PCGF3: variants seen among roughly 807,000 people sequenced by gnomAD.
PCGF3 encodes polycomb group RING finger protein 3.
In PCGF3, 7 loss-of-function variants were observed where a neutral mutation model predicts 33.1. That is an observed-to-expected ratio of 0.21 (90% CI 0.12 to 0.40). The LOEUF (loss-of-function observed/expected upper bound fraction) is 0.40. Among genes scored for constraint, PCGF3 ranks in the 10% least tolerant of loss-of-function variants. The probability of loss-of-function intolerance (pLI) is 1.00; values close to 1 mark genes in which losing one functional copy is unlikely to be tolerated. For missense variants in PCGF3, 211 were observed against 313.3 expected, an observed-to-expected ratio of 0.67 and a Z score of 2.46; for synonymous variants, 153 against 121.3, an observed-to-expected ratio of 1.26 and a Z score of -1.72.
At chr4:768,901 T>TCCAATATGCATTTATTAGA (rs1188745987) in exon 11 of PCGF3, 1 of 152,710 alleles carries the variant, frequency 6.5e-6, no homozygotes, top group African/African-American at 2.4e-5. Flanking sequence ...TGCAATAGGT[T>TCCAATATGCATTTATTAGA]CCAATATGCA....
At chr4:709,629 G>A (rs1742480231) in intron 1 of PCGF3, among the ~76,000 whole-genome samples, 1 of 152,288 alleles carries the variant, frequency 6.6e-6, no homozygotes, top group African/African-American at 2.4e-5. Context: ...AGGCGTGCGG[G>A]CTTGCCTGGA....
At chr4:753,139 G>C (rs1241752725) in intron 8 of PCGF3, among the ~76,000 whole-genome samples, 2 of 152,230 alleles carry the variant, frequency 1.3e-5, no homozygotes, top group African/African-American at 4.8e-5. Flanking sequence ...TCCCAGAGCT[G>C]ACAAGCCCCG....
chr4:737,890 G>A (rs1453106178), intron 6 of PCGF3, among the ~76,000 whole-genome samples: 1 of 152,200 alleles, frequency 6.6e-6, no homozygotes, highest in East Asian at 1.9e-4. Flanking sequence ...CCACAACAGA[G>A]GAGCAGCACG....
chr4:741,577 T>G (rs1296694407), intron 6 of PCGF3, among the ~76,000 whole-genome samples: 1 of 152,068 alleles, frequency 6.6e-6, no homozygotes, highest in Admixed American at 6.5e-5. Context: ...TGGCTAATTT[T>G]TTGTATTTTT....
intron 1 of PCGF3, among the ~76,000 whole-genome samples, chr4:727,037 T>C (rs1021755421): frequency 1.3e-5 from 2 of 152,152 alleles, no homozygotes; most frequent in African/African-American, 2.4e-5. Context: ...CCCTCTCCCC[T>C]GTGGGATCGT....
At chr4:731,481 GGCTATCTCTCCCCTCCCGGGT>G in intron 3 of PCGF3, 1 of 285,492 alleles carries the variant, frequency 3.5e-6, no homozygotes, top group Admixed American at 5.3e-5. Flanking sequence ...CGCAGGGCAG[GGCTATCTCTCCCCTCCCGGGT>G]GCTCTGTCCC....
intron 8 of PCGF3, among the ~76,000 whole-genome samples, chr4:745,070 G>T (rs368325005): frequency 5.1e-4 from 6 of 11,688 alleles, no homozygotes; most frequent in Non-Finnish European, 6.3e-4. Context: ...GTTAGTGCTC[G>T]CCGTGGAGGC....
chr4:747,928 G>A (rs923390749), intron 8 of PCGF3, among the ~76,000 whole-genome samples: 10 of 152,112 alleles, frequency 6.6e-5, no homozygotes, highest in Non-Finnish European at 1.3e-4. Flanking sequence ...GGTAAAGCAT[G>A]GCAGATATAA....
chr4:756,281 C>G (rs1018951602), intron 8 of PCGF3, among the ~76,000 whole-genome samples: 3 of 150,448 alleles, frequency 2.0e-5, no homozygotes, highest in Non-Finnish European at 4.4e-5. Flanking sequence ...GGTGCAATCT[C>G]GGCTCACTGC....
intron 1 of PCGF3, among the ~76,000 whole-genome samples, chr4:728,306 T>A (rs1328942301): frequency 6.6e-6 from 1 of 151,940 alleles, no homozygotes; most frequent in African/African-American, 2.4e-5. Context: ...ATTGACATAG[T>A]GTTTACAGCA....
intron 8 of PCGF3, among the ~76,000 whole-genome samples, chr4:751,732 GC>G (rs1744523083): frequency 6.6e-6 from 1 of 152,152 alleles, no homozygotes; most frequent in Admixed American, 6.5e-5. Flanking sequence ...TGGATGCTGT[GC>G]CTGTGCCTGG....
chr4:768,615 T>TG (rs1418832411), exon 11 of PCGF3: 6 of 152,312 alleles, frequency 3.9e-5, no homozygotes, highest in African/African-American at 1.4e-4. Context: ...GTCTCACCGA[T>TG]GCAGTTTTCA....
intron 1 of PCGF3, among the ~76,000 whole-genome samples, chr4:722,119 G>T (rs1001654685): frequency 2.6e-5 from 4 of 152,172 alleles, no homozygotes; most frequent in Admixed American, 6.5e-5. Context: ...TGTGTATGCA[G>T]TGTTATCTAA....
rs199958345 is a variant in PCGF3, at chr4:747,659, GC to G, written c.462+2975del. Reference sequence around the variant, plus strand: ...GTGGAGGCGTGAGCAGGTGGGCGGGGCCCCGGGGTCGCTGCAGTGTTAGTGC... The same window carrying G: ...GTGGAGGCGTGAGCAGGTGGGCGGGGCCCGGGGTCGCTGCAGTGTTAGTGC... On this transcript the variant is annotated intron_variant, in intron 8 of 10. Transcript: ENST00000362003. Among the ~76,000 whole-genome samples, 108 of 76,016 alleles carry G rather than the reference GC, an allele frequency of 1.4e-3. 5 individuals carry two copies. The highest frequency in any genetic ancestry group is 2.0e-3 in the Non-Finnish European group (72 of 35,616). 49.9% of individuals were successfully genotyped at this position (76,016 alleles called of 152,430 possible). A position where few individuals can be genotyped will look rare whatever the true frequency, so the allele number is the denominator to read the frequency against.
intron 6 of PCGF3, among the ~76,000 whole-genome samples, chr4:741,517 C>T (rs1719477527): frequency 6.6e-6 from 1 of 152,326 alleles, no homozygotes; most frequent in East Asian, 1.9e-4. Context: ...CACAGTTGTC[C>T]TGTCTCAGCC....
chr4:753,862 G>A (rs757071389), intron 8 of PCGF3, among the ~76,000 whole-genome samples: 8 of 152,114 alleles, frequency 5.3e-5, no homozygotes, highest in Non-Finnish European at 1.2e-4. Context: ...CATGAGAATC[G>A]CTTGAACTTG....
In PCGF3 at chr4:708,605, G is replaced by C. The variant is rs561870137; in HGVS notation, c.-190+2635G>C. Among the ~76,000 whole-genome samples the C allele has an allele frequency of 2.6e-5, 4 of 152,324 alleles. No homozygotes were observed. The South Asian group carries it at 6.2e-4, about 24-fold the overall frequency. On this transcript the variant is annotated intron_variant, in intron 1 of 10. Coordinates refer to ENST00000362003, the Ensembl canonical transcript of PCGF3. ...CCAGCCCACAGGCTCCACACCTCAGGCTGGCACTGCACCCTCCCACTCAGC... is the reference window on the plus strand; with the variant it reads ...CCAGCCCACAGGCTCCACACCTCAGCCTGGCACTGCACCCTCCCACTCAGC...
chr4:710,946 C>T (rs543090781), intron 1 of PCGF3, among the ~76,000 whole-genome samples: 2 of 152,340 alleles, frequency 1.3e-5, no homozygotes, highest in South Asian at 4.1e-4. Flanking sequence ...TTACCAGTTA[C>T]AGTAGACCTT....
intron 1 of PCGF3, among the ~76,000 whole-genome samples, chr4:714,605 C>T (rs891251118): frequency 6.6e-6 from 1 of 152,186 alleles, no homozygotes; most frequent in African/African-American, 2.4e-5. Flanking sequence ...CCCTGGAGGT[C>T]CTGGCCCTTC....
Sources: allele counts gnomAD v4.1 joint callset (sites outside exome capture counted in the v4.1 genomes callset), GRCh38; gene constraint gnomAD v4.1.1; transcripts MANE v1.5; gene names NCBI Gene and HGNC (gene_info 2026-07-23, HGNC 2026-07-21).